The following LNX1 variants were observed in gnomAD, a reference collection of about 807,000 sequenced individuals.
The protein encoded by LNX1 is E3 ubiquitin-protein ligase LNX.
A neutral mutation model predicts 68.4 loss-of-function variants in LNX1; 54 were observed. That is an observed-to-expected ratio of 0.79 (90% CI 0.63 to 0.99). The LOEUF (loss-of-function observed/expected upper bound fraction) is 0.99. LNX1 is among the 50% of genes least tolerant of loss of function. LNX1 has a pLI of 0.00. For synonymous variants in LNX1, 336 were observed against 350.0 expected (o/e 0.96, Z 0.45); for missense variants, 906 against 926.4 (o/e 0.98, Z 0.29).
chr4:53,556,558 A>G (rs1319329892), intron 2 of LNX1, among the ~76,000 whole-genome samples: 1 of 152,236 alleles, frequency 6.6e-6, no homozygotes, highest in African/African-American at 2.4e-5. Flanking sequence ...TGAGAGAGGA[A>G]TGAGCCTTTT....
chr4:53,501,281 CTTTT>C (rs11401056), intron 4 of LNX1, among the ~76,000 whole-genome samples: 20 of 63,692 alleles, frequency 3.1e-4, no homozygotes, highest in African/African-American at 4.9e-4. Context: ...TGATAATAAT[CTTTT>C]TTTTTTTTTT....
chr4:53,587,316 T>G (rs1732232460), intron 1 of LNX1, among the ~76,000 whole-genome samples: 1 of 152,228 alleles, frequency 6.6e-6, no homozygotes, highest in Non-Finnish European at 1.5e-5. Context: ...TTTTATGGTT[T>G]TTTTATGGTT....
rs372460560 is a variant in LNX1, at chr4:53,564,931, C to T, written c.380+8692G>A. 5.8e-3 allele frequency among the ~76,000 whole-genome samples: 879 copies of T among 152,310 alleles called. 6 individuals are homozygous for T. Among genetic ancestry groups the T allele is most frequent in the African/African-American group, 0.02 (829 of 41,578 alleles). On this transcript the variant is annotated intron_variant, in intron 2 of 10. Coordinates refer to ENST00000263925, the MANE Select transcript of LNX1 (RefSeq NM_001126328.3). ...AGGTCACTCCCACCCGAATACTGCG[C>T]TTTTCCGACGGGCTTAAAAAATGGC...
chr4:53,624,485 A>G (rs565016579), intron 1 of LNX1, among the ~76,000 whole-genome samples: 130 of 152,340 alleles, frequency 8.5e-4, no homozygotes, highest in African/African-American at 3.1e-3. Flanking sequence ...CCCCAGCCAC[A>G]TGCAACTGTG....
chr4:53,590,082 C>G (rs1325398674), intron 1 of LNX1, among the ~76,000 whole-genome samples: 3 of 152,078 alleles, frequency 2.0e-5, no homozygotes, highest in East Asian at 3.8e-4. Flanking sequence ...CAAACCCCCC[C>G]CCTTAAACTC....
chr4:53,491,799 TTG>T (rs1271409222), intron 6 of LNX1, among the ~76,000 whole-genome samples: 3 of 86,720 alleles, frequency 3.5e-5, no homozygotes, highest in African/African-American at 8.7e-5. Flanking sequence ...ATACTTTTTT[TTG>T]TTTGTTTGTT....
At chr4:53,583,756 G>C (rs1016747518) in intron 1 of LNX1, among the ~76,000 whole-genome samples, 1 of 152,188 alleles carries the variant, frequency 6.6e-6, no homozygotes, top group African/African-American at 2.4e-5. Flanking sequence ...AGTTTTAGAA[G>C]TCAGGGAATG....
At chr4:53,486,390 C>T (rs146585914) in intron 6 of LNX1, among the ~76,000 whole-genome samples, 62 of 152,322 alleles carry the variant, frequency 4.1e-4, no homozygotes, top group Non-Finnish European at 7.3e-4. Flanking sequence ...CAGCATCCCT[C>T]TCTTTTTTCT....
rs146461503 is a variant in LNX1, at chr4:53,465,990, T to C, written c.1893-4397A>G. Among the ~76,000 whole-genome samples the C allele has an allele frequency of 8.8e-3, 1,344 of 152,306 alleles. 22 individuals are homozygous for C. The highest frequency in any genetic ancestry group is 0.03 in the African/African-American group (1,267 of 41,560). On this transcript the variant is annotated intron_variant, in intron 9 of 10. Coordinates refer to ENST00000263925, the MANE Select transcript of LNX1 (RefSeq NM_001126328.3). Reference sequence around the variant, plus strand: ...ACTTCCAGTGACTTTAATTAAATACTCTTTCAAAAAATTATTTTGGCTTTT... The same window carrying C: ...ACTTCCAGTGACTTTAATTAAATACCCTTTCAAAAAATTATTTTGGCTTTT...
intron 1 of LNX1, among the ~76,000 whole-genome samples, chr4:53,590,280 G>C (rs150595275): frequency 6.6e-6 from 1 of 152,288 alleles, no homozygotes; most frequent in African/African-American, 2.4e-5. Context: ...CATGCATTTT[G>C]TATTTCTGGG....
chr4:53,595,247 G>T (rs1387753140), upstream of LNX1, among the ~76,000 whole-genome samples: 1 of 152,146 alleles, frequency 6.6e-6, no homozygotes, highest in Admixed American at 6.6e-5. Flanking sequence ...TGTGTGTGGT[G>T]GGGGAGAAGA....
chr4:53,583,576 T>G (rs1056692172), intron 1 of LNX1, among the ~76,000 whole-genome samples: 9 of 151,858 alleles, frequency 5.9e-5, no homozygotes, highest in Admixed American at 2.6e-4. Flanking sequence ...TTTTAAATGG[T>G]CTTTAAAGAG....
chr4:53,472,261 C>A (rs1723248334), intron 9 of LNX1, among the ~76,000 whole-genome samples: 1 of 152,076 alleles, frequency 6.6e-6, no homozygotes, highest in Non-Finnish European at 1.5e-5. Flanking sequence ...ACTGCATATT[C>A]TCACTCATAG....
At chr4:53,646,280 G>A (rs1465801023) in intron 1 of LNX1, among the ~76,000 whole-genome samples, 1 of 152,160 alleles carries the variant, frequency 6.6e-6, no homozygotes, top group East Asian at 1.9e-4. Context: ...GACCGGAGTG[G>A]AGTAATAGGG....
chr4:53,461,428 T>G lies in LNX1; in HGVS notation c.2051+7A>C. 1 of 1,598,084 alleles carries G rather than the reference T, an allele frequency of 6.3e-7. No homozygotes were observed. On this transcript the variant is annotated splice_region_variant and intron_variant, in intron 10 of 10. Transcript: ENST00000263925. Reference sequence around the variant, plus strand: ...TACAAGTATTTTTGATTAGTCATTATTATTACCTAATTCTTCCATCATTGT... The same window carrying G: ...TACAAGTATTTTTGATTAGTCATTAGTATTACCTAATTCTTCCATCATTGT...
intron 2 of LNX1, among the ~76,000 whole-genome samples, chr4:53,602,330 G>C (rs1733052529): frequency 6.6e-6 from 1 of 152,190 alleles, no homozygotes; most frequent in Non-Finnish European, 1.5e-5. Flanking sequence ...GAAAGGCTGG[G>C]AGAGCTGTCA....
At chr4:53,468,231 C>A (rs909607936) in intron 9 of LNX1, among the ~76,000 whole-genome samples, 1 of 152,128 alleles carries the variant, frequency 6.6e-6, no homozygotes, top group African/African-American at 2.4e-5. Context: ...AATTTCATAT[C>A]CAGCCAAAAT....
chr4:53,585,222 C>T (rs1732089832), intron 1 of LNX1, among the ~76,000 whole-genome samples: 1 of 152,214 alleles, frequency 6.6e-6, no homozygotes, highest in African/African-American at 2.4e-5. Context: ...ATATCTCACA[C>T]TGTTGACTGG....
At chr4:53,465,745 AAT>A (rs140845076) in intron 9 of LNX1, among the ~76,000 whole-genome samples, 2,744 of 152,318 alleles carry the variant, frequency 0.018, 84 homozygotes, top group African/African-American at 0.063. Context: ...TAAAATGAAA[AAT>A]ATGTTGCTAG....
Sources: allele counts gnomAD v4.1 joint callset (sites outside exome capture counted in the v4.1 genomes callset), GRCh38; gene constraint gnomAD v4.1.1; transcripts MANE v1.5; gene names NCBI Gene and HGNC (gene_info 2026-07-23, HGNC 2026-07-21).